Variants in OSBPL10 observed in about 807,000 individuals in gnomAD.
OSBPL10 encodes oxysterol binding protein like 10.
In OSBPL10, 49 loss-of-function variants were observed where a neutral mutation model predicts 81.7. The ratio of observed to expected loss-of-function variants is 0.60; its 90% confidence interval spans 0.48 to 0.76. The LOEUF is 0.76. OSBPL10 is among the 30% of genes least tolerant of loss of function. The pLI is 0.00. For synonymous variants in OSBPL10, 419 were observed against 383.6 expected (o/e 1.09, Z -1.08); for missense variants, 923 against 987.8 (o/e 0.93, Z 0.88).
rs559663222 is a variant in OSBPL10 at position 32,067,161 on chromosome 3, A to G, written n.185+10235T>C. On this transcript the variant is annotated intron_variant and non_coding_transcript_variant, in intron 1 of 3. Transcript: ENST00000479173. ...TTTAAAAAAAAAATCTTCAGATGAG[A>G]TGTTGAATTGCCAATTCAATGACTA... Among the ~76,000 whole-genome samples the G allele has an allele frequency of 2.8e-4, 43 of 152,284 alleles. 1 individual carries two copies. The highest frequency in any genetic ancestry group is 9.6e-4 in the African/African-American group (40 of 41,558).
chr3:31,674,821 C>G (rs1048560462), intron 8 of OSBPL10, among the ~76,000 whole-genome samples: 1 of 152,160 alleles, frequency 6.6e-6, no homozygotes, highest in Admixed American at 6.5e-5. Context: ...TCAGGTATTC[C>G]TTTATAGCAA....
intron 3 of OSBPL10, among the ~76,000 whole-genome samples, chr3:31,831,430 A>G (rs1700239263): frequency 1.3e-5 from 2 of 151,984 alleles, no homozygotes; most frequent in Non-Finnish European, 2.9e-5. Context: ...GAAAAGAAAA[A>G]AGAAAAGCTT....
chr3:31,975,252 C>T (rs531439210), intron 1 of OSBPL10, among the ~76,000 whole-genome samples: 3 of 152,208 alleles, frequency 2.0e-5, no homozygotes, highest in Non-Finnish European at 2.9e-5. Flanking sequence ...TTTTAGCACA[C>T]GGCCTCAAAA....
At chr3:31,677,934 A>G in intron 8 of OSBPL10, among the ~76,000 whole-genome samples, 1 of 147,944 alleles carries the variant, frequency 6.8e-6, no homozygotes, top group African/African-American at 2.6e-5. Flanking sequence ...ACAAAAAATT[A>G]GCCGGGCGCG....
In OSBPL10 at chr3:31,716,801, A is replaced by T. The variant is rs537013041; in HGVS notation, c.1096-14293T>A. Among the ~76,000 whole-genome samples, 3 of 152,328 alleles carry T rather than the reference A, an allele frequency of 2.0e-5. No homozygotes were observed. The South Asian group carries it at 6.2e-4, about 32-fold the overall frequency. On this transcript the variant is annotated intron_variant, in intron 6 of 11. Coordinates refer to ENST00000396556, the MANE Select transcript of OSBPL10 (RefSeq NM_017784.5). ...ATTTCATTTGATGACCCCAAAACAGATTCAGAAAGCTATCACCTTTGATTG... is the reference window on the plus strand; with the variant it reads ...ATTTCATTTGATGACCCCAAAACAGTTTCAGAAAGCTATCACCTTTGATTG...
At chr3:31,924,007 G>A (rs562637235) in intron 1 of OSBPL10, among the ~76,000 whole-genome samples, 20 of 151,850 alleles carry the variant, frequency 1.3e-4, no homozygotes, top group Non-Finnish European at 2.4e-4. Context: ...TCAGAAGGTC[G>A]GGAGTTCAAG....
At chr3:32,004,555 A>G (rs1468872603) in intron 2 of OSBPL10, among the ~76,000 whole-genome samples, 1 of 152,192 alleles carries the variant, frequency 6.6e-6, no homozygotes, top group Non-Finnish European at 1.5e-5. Flanking sequence ...GAACTAGAAA[A>G]TCTTGTTTCC....
chr3:31,859,839 T>C (rs1025271733), intron 3 of OSBPL10, among the ~76,000 whole-genome samples: 2 of 152,200 alleles, frequency 1.3e-5, no homozygotes, highest in Non-Finnish European at 1.5e-5. Context: ...CCTTACCTTG[T>C]AGTATAATCA....
At chr3:31,965,053 T>A (rs1559534457) in intron 1 of OSBPL10, among the ~76,000 whole-genome samples, 1 of 151,986 alleles carries the variant, frequency 6.6e-6, no homozygotes, top group Non-Finnish European at 1.5e-5. Flanking sequence ...CATGGAACAA[T>A]CATCAAGATA....
At chr3:31,706,200 C>T (rs995466142) in intron 6 of OSBPL10, among the ~76,000 whole-genome samples, 1 of 152,204 alleles carries the variant, frequency 6.6e-6, no homozygotes, top group Non-Finnish European at 1.5e-5. Context: ...GCTTCACGGG[C>T]AGGCTGGGGT....
In OSBPL10 at chr3:31,747,113, T is replaced by G. The variant is rs1341733622; in HGVS notation, c.940+797A>C. On this transcript the variant is annotated intron_variant, in intron 5 of 11. Transcript: ENST00000396556. ...ATTCTGGGAGGCTGAGACAGGTGGA[T>G]CACCTGAGGTCAGGAGTTCTGGACC... 3.9e-5 allele frequency among the ~76,000 whole-genome samples: 6 copies of G among 152,234 alleles called. No individual in the cohort carries two copies. In the South Asian group the frequency reaches 1.0e-3, roughly 26 times the overall value.
At chr3:31,734,168 C>T (rs1575508618) in intron 5 of OSBPL10, among the ~76,000 whole-genome samples, 2 of 152,166 alleles carry the variant, frequency 1.3e-5, no homozygotes, top group South Asian at 2.1e-4. Flanking sequence ...TGCCCTCAGA[C>T]GTGGCTTGGT....
chr3:32,064,474 A>C (rs1479909726), intron 1 of OSBPL10: 1 of 93,308 alleles, frequency 1.1e-5, no homozygotes, highest in Non-Finnish European at 2.9e-5. Flanking sequence ...CTTAAAGAGA[A>C]TGTATTCAAG....
intron 8 of OSBPL10, among the ~76,000 whole-genome samples, chr3:31,682,988 G>C (rs907876466): frequency 6.6e-6 from 1 of 152,174 alleles, no homozygotes; most frequent in Non-Finnish European, 1.5e-5. Context: ...CACAGCCTTA[G>C]AGCCTTGAAG....
chr3:31,765,984 G>A (rs1354701578), intron 4 of OSBPL10, among the ~76,000 whole-genome samples: 3 of 152,072 alleles, frequency 2.0e-5, no homozygotes, highest in South Asian at 2.1e-4. Flanking sequence ...AGATATGGCC[G>A]TCTCTTATTT....
chr3:32,038,123 A>G (rs1699537428), intron 2 of OSBPL10, among the ~76,000 whole-genome samples: 1 of 152,176 alleles, frequency 6.6e-6, no homozygotes, highest in Non-Finnish European at 1.5e-5. Context: ...AGGAAGCTAC[A>G]TGAGTCCAGG....
chr3:31,875,048 G>A (rs1331094188), intron 3 of OSBPL10, among the ~76,000 whole-genome samples: 3 of 133,520 alleles, frequency 2.2e-5, no homozygotes, highest in Non-Finnish European at 4.7e-5. Context: ...AAATCCATGT[G>A]CCTAATACAA....
intron 9 of OSBPL10, among the ~76,000 whole-genome samples, chr3:31,670,354 TG>T (rs1250418424): frequency 6.6e-6 from 1 of 152,250 alleles, no homozygotes. Context: ...TACTTAGGCT[TG>T]GGCTTCCCCA....
chr3:31,746,316 T>A (rs1398711196), intron 5 of OSBPL10, among the ~76,000 whole-genome samples: 2 of 152,168 alleles, frequency 1.3e-5, no homozygotes, highest in South Asian at 2.1e-4. Context: ...GTGCGTTGTC[T>A]GTCATCCGAG....
Sources: gnomAD v4.1 joint callset for allele counts (sites outside exome capture counted in the v4.1 genomes callset) on GRCh38, gnomAD v4.1.1 for gene constraint, MANE v1.5 for transcripts, NCBI Gene and HGNC (gene_info 2026-07-23, HGNC 2026-07-21) for gene names.